ATP2B1: variants seen among roughly 807,000 people sequenced by gnomAD.
ATP2B1 encodes plasma membrane calcium-transporting ATPase 1.
ATP2B1 carries 14 observed loss-of-function variants against 124.2 expected under a neutral mutation model. The ratio of observed to expected loss-of-function variants is 0.11; its 90% confidence interval spans 0.07 to 0.18. The LOEUF is 0.18. Ranked by LOEUF, ATP2B1 falls within the 10% of genes least tolerant of loss-of-function variation. The pLI, the probability that ATP2B1 is intolerant of heterozygous loss-of-function variation, is 1.00. For synonymous variants in ATP2B1, 449 were observed against 492.4 expected (o/e 0.91, Z 1.17); for missense variants, 763 against 1,466.1 (o/e 0.52, Z 7.83).
intron 1 of ATP2B1, among the ~76,000 whole-genome samples, chr12:89,669,410 T>G (rs2136500411): frequency 6.6e-6 from 1 of 152,230 alleles, no homozygotes; most frequent in South Asian, 2.1e-4. Flanking sequence ...TTTTCAGCAC[T>G]CAAGAGGATG....
At chr12:89,623,168 T>C (rs1474379805) in intron 9 of ATP2B1, among the ~76,000 whole-genome samples, 1 of 152,158 alleles carries the variant, frequency 6.6e-6, no homozygotes, top group Non-Finnish European at 1.5e-5. Flanking sequence ...GGTCTAATAA[T>C]GAAGAGTGCA....
chr12:89,624,323 T>C lies in ATP2B1; in HGVS notation c.1204A>G (p.Arg402Gly). The C allele has an allele frequency of 6.2e-7, 1 of 1,614,176 alleles. No individual in the cohort carries two copies. Among genetic ancestry groups the C allele is most frequent in the Non-Finnish European group, 8.5e-7 (1 of 1,180,010 alleles). ...FVIDTFWVQK[R>G]PWLAECTPIY... ...GGTGTGCACTCAGCAAGCCATGGTC[T>C]TTTCTGAACCCAGAAGGTGTCAATG... Residue 402 changes from arginine to glycine, a missense_variant, in exon 9 of 21, where the codon AGA (arginine) becomes GGA (glycine). By Grantham distance (125) the Arg-to-Gly change is moderately radical. This residue lies in a region of ATP2B1 where 392 missense variants were observed against 776.6 expected (regional missense o/e 0.50). Coordinates refer to ENST00000428670, the MANE Select transcript of ATP2B1 (RefSeq NM_001366521.1).
At chr12:89,652,961 T>G (rs2136331410) in intron 2 of ATP2B1, among the ~76,000 whole-genome samples, 1 of 152,320 alleles carries the variant, frequency 6.6e-6, no homozygotes, top group South Asian at 2.1e-4. Context: ...ACTCCTAGGT[T>G]CAAGAAAACC....
rs1416643733 is a variant in ATP2B1 at position 89,588,226 on chromosome 12, ATT to A, written c.*2756_*2757del. 1 of 152,592 alleles carries A rather than the reference ATT, an allele frequency of 6.6e-6. No homozygotes were observed. 9.5% of individuals were successfully genotyped at this position (152,592 alleles called of 1,614,324 possible). A position where few individuals can be genotyped will look rare whatever the true frequency, so the allele number is the denominator to read the frequency against. ...TGTAAAAAGAAATTTTCAAAGAGCA[ATT>A]TCACAGAAATGAAGCCAGTTTTTTT... On this transcript the variant is annotated 3_prime_UTR_variant, in exon 21 of 21. Coordinates refer to ENST00000428670, the MANE Select transcript of ATP2B1 (RefSeq NM_001366521.1).
At chr12:89,677,997 C>T (rs1317031732) in intron 1 of ATP2B1, among the ~76,000 whole-genome samples, 2 of 125,318 alleles carry the variant, frequency 1.6e-5, no homozygotes, top group Non-Finnish European at 3.5e-5. Context: ...CACACACACA[C>T]ACACACACAC....
Position 89,591,108 on chromosome 12 carries a change from G to A in ATP2B1, c.3539C>T (p.Pro1180Leu). 1 of 1,613,232 alleles carries A rather than the reference G, an allele frequency of 6.2e-7. No homozygotes were observed. The highest frequency in any genetic ancestry group is 1.1e-5 in the South Asian group (1 of 91,070). Reference sequence around the variant, plus strand: ...ATTGTTATTTTTGTTGGGAGAGGGTGGAGGACTGGAGTTACGTTTTGTAGG... The same window carrying A: ...ATTGTTATTTTTGTTGGGAGAGGGTAGAGGACTGGAGTTACGTTTTGTAGG... Reference protein sequence around the residue: ...DAPTKRNSSPPPSPNKNNNAV... With the variant: ...DAPTKRNSSPLPSPNKNNNAV... The change falls in exon 21 of 21, where the codon CCA (proline) becomes CTA (leucine). Residue 1180 changes from proline to leucine, a missense_variant. Physicochemically the swap from Pro to Leu is moderately conservative, Grantham distance 98. Coordinates refer to ENST00000428670, the MANE Select transcript of ATP2B1 (RefSeq NM_001366521.1).
At chr12:89,652,485 T>A (rs1025950842) in intron 2 of ATP2B1, among the ~76,000 whole-genome samples, 3 of 152,204 alleles carry the variant, frequency 2.0e-5, no homozygotes, top group African/African-American at 7.2e-5. Context: ...CTGAAATTCA[T>A]GTACTTTGAA....
At chr12:89,601,607 T>TC (rs2135932733) in intron 18 of ATP2B1, among the ~76,000 whole-genome samples, 174 bp from the exon 19 acceptor site, 1 of 152,232 alleles carries the variant, frequency 6.6e-6, no homozygotes, top group South Asian at 2.1e-4. Context: ...CTTTCCTCTT[T>TC]CCCCTCCAGT....
intron 1 of ATP2B1, among the ~76,000 whole-genome samples, chr12:89,690,958 G>A (rs917980135): frequency 3.3e-5 from 5 of 152,118 alleles, no homozygotes; most frequent in Non-Finnish European, 5.9e-5. Context: ...CAATCTTTGG[G>A]TAAATTAGGC....
At chr12:89,658,317 G>A (rs1262715134) in intron 1 of ATP2B1, among the ~76,000 whole-genome samples, 1 of 152,066 alleles carries the variant, frequency 6.6e-6, no homozygotes, top group Admixed American at 6.6e-5. Flanking sequence ...AGAGAAACTA[G>A]ACATATGTAG....
chr12:89,688,759 C>G (rs1214057801), intron 1 of ATP2B1, among the ~76,000 whole-genome samples: 1 of 151,976 alleles, frequency 6.6e-6, no homozygotes, highest in Non-Finnish European at 1.5e-5. Context: ...TGCTGTGTAC[C>G]TGGGACTCAG....
rs1375936187 is a variant in ATP2B1, at chr12:89,630,725, T to C, written c.788-80A>G. 10 of 1,021,316 alleles carry C rather than the reference T, an allele frequency of 9.8e-6. No individual in the cohort carries two copies. The Admixed American group carries it at 2.3e-4, about 24-fold the overall frequency. 63.3% of individuals were successfully genotyped at this position (1,021,316 alleles called of 1,614,324 possible). ...CACCAAATTTCAAACTTCAGTAATA[T>C]TGTTTTTAACAGCCTCAACATTTAG... On this transcript the variant is annotated intron_variant, in intron 5 of 20. Transcript: ENST00000428670.
intron 5 of ATP2B1, among the ~76,000 whole-genome samples, chr12:89,632,422 T>C (rs1173190086): frequency 6.6e-6 from 1 of 152,228 alleles, no homozygotes; most frequent in Non-Finnish European, 1.5e-5. Flanking sequence ...ATTAGCTTCT[T>C]TGCCAGTGAA....
At chr12:89,675,486 G>A (rs1457855805) in intron 1 of ATP2B1, among the ~76,000 whole-genome samples, 2 of 152,102 alleles carry the variant, frequency 1.3e-5, no homozygotes, top group East Asian at 3.8e-4. Flanking sequence ...TGAATTTTGA[G>A]AATATGTCTT....
At position 89,600,321 on chromosome 12, in the gene ATP2B1, T is replaced by C. The variant is rs573856375; in HGVS notation, c.3168+1005A>G. Among the ~76,000 whole-genome samples the C allele has an allele frequency of 3.3e-5, 5 of 152,340 alleles. No homozygotes were observed. In the East Asian group the frequency reaches 7.7e-4, roughly 23 times the overall value. ...CATGCAAATTATATGCCATAATATA[T>C]ATTAACCTTCATCTATGAAAATGTT... On this transcript the variant is annotated intron_variant, in intron 19 of 20. Transcript: ENST00000428670.
At chr12:89,677,954 T>TTATATATATATATGTGTATA (rs1491452210) in intron 1 of ATP2B1, among the ~76,000 whole-genome samples, 2 of 68,762 alleles carry the variant, frequency 2.9e-5, no homozygotes, top group African/African-American at 1.3e-4. Flanking sequence ...CATGCAGGAA[T>TTATATATATATATGTGTATA]TATATATATA....
rs1880473726 is a variant in ATP2B1, at chr12:89,624,288, T to C, written c.1239A>G (p.Ile413Met). 3 of 1,614,076 alleles carry C rather than the reference T, an allele frequency of 1.9e-6. No individual in the cohort carries two copies. Among genetic ancestry groups the C allele is most frequent in the South Asian group, 1.1e-5 (1 of 91,092 alleles). The change falls in exon 9 of 21, where the codon ATA (isoleucine) becomes ATG (methionine). Residue 413 changes from isoleucine to methionine, a missense_variant. By Grantham distance (10) the Ile-to-Met change is conservative (BLOSUM62 1). Around this residue, in one of 7 missense-constraint regions of ATP2B1, gnomAD observed 392 missense variants for 776.6 expected, o/e 0.50. Transcript: ENST00000428670. The stretch of plus-strand genomic sequence containing the variant: ...TAATGAAGAACTTCACAAAGTATTG[T>C]ATATAAATTGGTGTGCACTCAGCAA... ...PWLAECTPIY[I>M]QYFVKFFIIG...
At chr12:89,610,085 T>C in intron 14 of ATP2B1, 42 bp from the exon 15 acceptor site, 1 of 1,511,472 alleles carries the variant, frequency 6.6e-7, no homozygotes, top group South Asian at 1.2e-5. Context: ...AACATTACTC[T>C]TTAATAAGAT....
At chr12:89,676,157 A>G (rs1309348947) in intron 1 of ATP2B1, among the ~76,000 whole-genome samples, 1 of 152,140 alleles carries the variant, frequency 6.6e-6, no homozygotes, top group Non-Finnish European at 1.5e-5. Context: ...CTCCCATTGT[A>G]GGTGCTCCTG....
Sources: gnomAD v4.1 joint callset for allele counts (sites outside exome capture counted in the v4.1 genomes callset) on GRCh38, gnomAD v4.1.1 for gene constraint, gnomAD v4.1.1 regional missense constraint, MANE v1.5 for transcripts, NCBI Gene and HGNC (gene_info 2026-07-23, HGNC 2026-07-21) for gene names.